Variants in PRIM2 observed in about 807,000 individuals in gnomAD.
PRIM2 encodes DNA primase large subunit.
A neutral mutation model predicts 67.3 loss-of-function variants in PRIM2; 39 were observed. The observed-to-expected ratio is 0.58, with a 90% confidence interval of 0.45 to 0.76. The LOEUF (loss-of-function observed/expected upper bound fraction) is 0.76. Ranked by LOEUF, PRIM2 falls within the 30% of genes least tolerant of loss-of-function variation. The pLI is 0.00. For synonymous variants in PRIM2, 143 were observed against 198.7 expected (o/e 0.72, Z 2.36); for missense variants, 398 against 598.7 (o/e 0.66, Z 3.50).
At chr6:57,610,393 A>C (rs1202081478) in intron 12 of PRIM2, among the ~76,000 whole-genome samples, 9 of 152,224 alleles carry the variant, frequency 5.9e-5, no homozygotes, top group African/African-American at 2.2e-4. Flanking sequence ...TAAGTAATCA[A>C]AATGTTGGTG....
At chr6:57,340,831 A>G (rs1016162036) in intron 5 of PRIM2, among the ~76,000 whole-genome samples, 41 of 152,190 alleles carry the variant, frequency 2.7e-4, no homozygotes, top group Non-Finnish European at 5.1e-4. Flanking sequence ...CATTGTGCAC[A>G]TGTACCCTAA....
At chr6:57,416,632 G>A (rs2127368168) in intron 7 of PRIM2, among the ~76,000 whole-genome samples, 1 of 152,230 alleles carries the variant, frequency 6.6e-6, no homozygotes, top group South Asian at 2.1e-4. Flanking sequence ...ACATTAAAAA[G>A]CTGTTGTTTA....
chr6:57,454,532 C>T (rs1772686484), intron 7 of PRIM2, among the ~76,000 whole-genome samples: 2 of 152,066 alleles, frequency 1.3e-5, no homozygotes, highest in South Asian at 4.2e-4. Flanking sequence ...TGTATGTGTC[C>T]AGGAATTTAT....
At chr6:57,603,862 G>A (rs1181125443) in intron 11 of PRIM2, among the ~76,000 whole-genome samples, 8 of 151,892 alleles carry the variant, frequency 5.3e-5, no homozygotes, top group South Asian at 2.1e-4. Context: ...TTTCAGCAGC[G>A]TTTTGTAGTT....
intron 12 of PRIM2, among the ~76,000 whole-genome samples, chr6:57,611,882 A>G (rs1228324880): frequency 1.3e-5 from 2 of 152,116 alleles, no homozygotes; most frequent in African/African-American, 4.8e-5. Context: ...AAAGATATAA[A>G]GAACTCTCAA....
At chr6:57,415,315 C>A (rs9464478) in intron 7 of PRIM2, among the ~76,000 whole-genome samples, 3 of 152,076 alleles carry the variant, frequency 2.0e-5, no homozygotes, top group Non-Finnish European at 2.9e-5. Context: ...AGGTTCTGTT[C>A]GAGACTAATA....
At chr6:57,567,914 T>C (rs1267530451) in intron 10 of PRIM2, among the ~76,000 whole-genome samples, 2 of 152,210 alleles carry the variant, frequency 1.3e-5, no homozygotes, top group African/African-American at 4.8e-5. Context: ...CATTATGTTT[T>C]CATAGTTGAC....
At chr6:57,263,651 A>G in the PRIM2 span, among the ~76,000 whole-genome samples, 2 of 152,188 alleles carry the variant, frequency 1.3e-5, no homozygotes, top group Admixed American at 1.3e-4. Flanking sequence ...GGATTTCAAA[A>G]TACCTTCTTG....
chr6:57,394,857 A>T (rs62415548), intron 7 of PRIM2, among the ~76,000 whole-genome samples: 1 of 151,746 alleles, frequency 6.6e-6, no homozygotes, highest in African/African-American at 2.4e-5. Flanking sequence ...TTTTGTGGAG[A>T]GTTTTAATCA....
At chr6:57,371,867 G>T (rs1184939500) in intron 5 of PRIM2, among the ~76,000 whole-genome samples, 1 of 152,184 alleles carries the variant, frequency 6.6e-6, no homozygotes, top group Non-Finnish European at 1.5e-5. Context: ...TGCATTGTGT[G>T]TCTGGTTGCC....
intron 10 of PRIM2, among the ~76,000 whole-genome samples, chr6:57,539,095 A>T (rs1273569769): frequency 2.0e-5 from 3 of 152,202 alleles, no homozygotes; most frequent in African/African-American, 7.2e-5. Context: ...AACTGTCTTC[A>T]TCGACAATTA....
intron 7 of PRIM2, among the ~76,000 whole-genome samples, chr6:57,476,126 C>A (rs1433493574): frequency 6.6e-6 from 1 of 152,058 alleles, no homozygotes; most frequent in Non-Finnish European, 1.5e-5. Context: ...TTCCCATCTC[C>A]CTACCCCCTC....
chr6:57,327,918 C>T (rs1431543662), intron 5 of PRIM2, among the ~76,000 whole-genome samples: 1 of 152,006 alleles, frequency 6.6e-6, no homozygotes, highest in Non-Finnish European at 1.5e-5. Flanking sequence ...ACAGATCCAC[C>T]TCAGATCATC....
At chr6:57,475,596 C>G (rs1773457436) in intron 7 of PRIM2, among the ~76,000 whole-genome samples, 1 of 152,134 alleles carries the variant, frequency 6.6e-6, no homozygotes, top group Non-Finnish European at 1.5e-5. Flanking sequence ...TGACTGTTTT[C>G]TAGCTTGTGC....
Position 57,434,931 on chromosome 6 carries a change from T to C in PRIM2, c.693+52763T>C, listed in dbSNP as rs141768597. The C allele has an allele frequency of 4.4e-3, 661 of 149,652 alleles. 5 individuals are homozygous for C. The highest frequency in any genetic ancestry group is 0.016 in the African/African-American group (636 of 40,886). The allele number at this position is 149,652 out of a possible 1,614,324, so 9.3% of individuals were successfully genotyped here. A position where few individuals can be genotyped will look rare whatever the true frequency, so the allele number is the denominator to read the frequency against. On this transcript the variant is annotated intron_variant, in intron 7 of 13. Transcript: ENST00000615550. Reference sequence around the variant, plus strand: ...CTGGGACTACAGGCACATGCCACCATACTCAGCTGATTTTTGTATTTTTTT... The same window carrying C: ...CTGGGACTACAGGCACATGCCACCACACTCAGCTGATTTTTGTATTTTTTT...
upstream of PRIM2, among the ~76,000 whole-genome samples, chr6:57,310,599 C>A (rs553683210): frequency 6.6e-6 from 1 of 151,842 alleles, no homozygotes; most frequent in Non-Finnish European, 1.5e-5. Flanking sequence ...CCAGATGGGG[C>A]GGCCGGGCAG....
At chr6:57,430,447 GTTTTTT>G (rs71687266) in intron 7 of PRIM2, among the ~76,000 whole-genome samples, 1 of 78,138 alleles carries the variant, frequency 1.3e-5, no homozygotes, top group Non-Finnish European at 2.5e-5. Context: ...TTCTTTCTTT[GTTTTTT>G]TTTTTTTTTT....
At chr6:57,255,140 T>C in the PRIM2 span, among the ~76,000 whole-genome samples, 12 of 152,176 alleles carry the variant, frequency 7.9e-5, no homozygotes, top group Non-Finnish European at 1.8e-4. Context: ...AATTCACCTT[T>C]TGATCTCTTC....
At position 57,391,802 on chromosome 6, in the gene PRIM2, C is replaced by G. The variant is rs978515411; in HGVS notation, c.693+9634C>G. On this transcript the variant is annotated intron_variant, in intron 7 of 13. Coordinates refer to ENST00000615550, the MANE Select transcript of PRIM2 (RefSeq NM_000947.5). ...GTTTGAAATTGGTAGTGTGATGCCTCAAGCGTTGTTCTTTCTGCTTAGGAT... is the reference window on the plus strand; with the variant it reads ...GTTTGAAATTGGTAGTGTGATGCCTGAAGCGTTGTTCTTTCTGCTTAGGAT... Among the ~76,000 whole-genome samples, 43 of 152,142 alleles carry G rather than the reference C, an allele frequency of 2.8e-4. 1 individual carries two copies. Among genetic ancestry groups the G allele is most frequent in the Non-Finnish European group, 2.9e-5 (2 of 68,040 alleles).
Sources: allele counts gnomAD v4.1 joint callset (sites outside exome capture counted in the v4.1 genomes callset), GRCh38; gene constraint gnomAD v4.1.1; transcripts MANE v1.5; gene names NCBI Gene and HGNC (gene_info 2026-07-23, HGNC 2026-07-21).